SRGAP3: variants seen among roughly 807,000 people sequenced by gnomAD.
SRGAP3 encodes SLIT-ROBO Rho GTPase-activating protein 3.
In SRGAP3, 39 loss-of-function variants were observed where a neutral mutation model predicts 121.1. The observed-to-expected ratio is 0.32, with a 90% CI of 0.25 to 0.42. The LOEUF (loss-of-function observed/expected upper bound fraction) is 0.42. Among genes scored for constraint, SRGAP3 ranks in the 10% least tolerant of loss-of-function variants. The pLI is 1.00. For synonymous variants in SRGAP3, 601 were observed against 570.0 expected (o/e 1.05, Z -0.77); for missense variants, 1,213 against 1,470.6 (o/e 0.82, Z 2.86).
chr3:9,153,341 C>T (rs1950277185), intron 1 of SRGAP3, among the ~76,000 whole-genome samples: 1 of 152,134 alleles, frequency 6.6e-6, no homozygotes, highest in Non-Finnish European at 1.5e-5. Flanking sequence ...ATCATTTAAT[C>T]CTCACAGCAT....
chr3:8,994,399 G>A lies in SRGAP3; in HGVS notation c.2352C>T (p.Gly784=). ...YHRASEDWWE[G]RHNGVDGLIP... is the part of the protein sequence containing the mutation. ...TGAGTCCATCCACGCCGTTGTGCCG[G>A]CCCTCCCACCAGTCCTCCGAGGCGC... The change falls in exon 19 of 22, where the codon GGC becomes GGT. Residue 784 remains glycine (G), a synonymous_variant. Coordinates refer to ENST00000383836, the MANE Select transcript of SRGAP3 (RefSeq NM_014850.4). 1 of 1,614,178 alleles carries A rather than the reference G, an allele frequency of 6.2e-7. No individual in the cohort carries two copies. The highest frequency in any genetic ancestry group is 8.5e-7 in the Non-Finnish European group (1 of 1,180,040).
chr3:9,247,763 C>A (rs547019488), intron 1 of SRGAP3, among the ~76,000 whole-genome samples: 5 of 152,222 alleles, frequency 3.3e-5, no homozygotes, highest in Non-Finnish European at 7.3e-5. Flanking sequence ...CTAGGAGAGG[C>A]CACAACACAC....
chr3:9,257,697 C>CT (rs1491519262), intron 3 of SRGAP3, among the ~76,000 whole-genome samples: 2 of 81,190 alleles, frequency 2.5e-5, no homozygotes, highest in East Asian at 3.4e-4. Flanking sequence ...CAAAATAGCT[C>CT]CTTTTTTTTT....
chr3:9,059,930 C>A, intron 6 of SRGAP3: 1 of 411,766 alleles, frequency 2.4e-6, no homozygotes, highest in Non-Finnish European at 4.6e-6. Flanking sequence ...CCCTCAAACC[C>A]AGCAAAGGAC....
At chr3:9,064,943 C>T (rs866076272) in intron 4 of SRGAP3, among the ~76,000 whole-genome samples, 6 of 152,126 alleles carry the variant, frequency 3.9e-5, no homozygotes, top group East Asian at 3.9e-4. Flanking sequence ...GACTGTCAGA[C>T]GTGACAAGGC....
intron 1 of SRGAP3, among the ~76,000 whole-genome samples, chr3:9,238,729 G>A (rs1031584435): frequency 6.6e-6 from 1 of 152,196 alleles, no homozygotes; most frequent in Non-Finnish European, 1.5e-5. Flanking sequence ...GAGGCACCAG[G>A]GGAGAAGCAA....
At chr3:9,074,013 T>C (rs1204304803) in intron 4 of SRGAP3, among the ~76,000 whole-genome samples, 1 of 152,240 alleles carries the variant, frequency 6.6e-6, no homozygotes, top group East Asian at 1.9e-4. Context: ...GTCTTATTTT[T>C]TTAACCAAGT....
rs530198759 is a variant in SRGAP3, at chr3:9,001,199, G to A, written c.2228-6676C>T. On this transcript the variant is annotated intron_variant, in intron 18 of 21. Coordinates refer to ENST00000383836, the MANE Select transcript of SRGAP3 (RefSeq NM_014850.4). ...TAGGTTGACTATAGTTAACAATAAT[G>A]TATTGTATGTTCCAAAATAGCTGGA... Among the ~76,000 whole-genome samples the A allele has an allele frequency of 2.0e-5, 3 of 152,244 alleles. No homozygotes were observed. In the South Asian group the frequency reaches 6.2e-4, roughly 32 times the overall value.
chr3:9,233,136 G>C (rs1398448423), intron 1 of SRGAP3, among the ~76,000 whole-genome samples: 1 of 152,122 alleles, frequency 6.6e-6, no homozygotes, highest in Non-Finnish European at 1.5e-5. Context: ...GCACTGTGCT[G>C]GAAATTCTGA....
chr3:9,356,652 C>T (rs544507151), intron 1 of SRGAP3, among the ~76,000 whole-genome samples: 4 of 152,136 alleles, frequency 2.6e-5, no homozygotes, highest in African/African-American at 7.2e-5. Context: ...GGATTACAGG[C>T]GTGAGCCACC....
At chr3:9,096,458 A>G (rs1489858813) in intron 3 of SRGAP3, among the ~76,000 whole-genome samples, 4 of 152,202 alleles carry the variant, frequency 2.6e-5, no homozygotes, top group African/African-American at 9.6e-5. Flanking sequence ...ATCTTTAAGC[A>G]GCCATCTTGC....
chr3:9,196,681 A>G (rs1951928343), intron 1 of SRGAP3, among the ~76,000 whole-genome samples: 1 of 152,228 alleles, frequency 6.6e-6, no homozygotes, highest in Non-Finnish European at 1.5e-5. Flanking sequence ...CAATTTGTAC[A>G]GAATAGATGG....
rs749590935 is a variant in SRGAP3 at position 9,056,326 on chromosome 3, C to G, written c.1032G>C (p.Gln344His). ...TCTGGACGGGCTGCTGAGCGCTGACCTGGCAGACCTGCAGGAATAACAGCC... is the reference window on the plus strand; with the variant it reads ...TCTGGACGGGCTGCTGAGCGCTGACGTGGCAGACCTGCAGGAATAACAGCC... The part of the protein sequence containing the change: ...FQPHMGDEVC[Q>H]VSAQQPVQTE... Residue 344 changes from glutamine (Q) to histidine (H), a missense_variant, in exon 8 of 22, where the codon CAG becomes CAC. Gln to His is a conservative substitution (Grantham distance 24). Coordinates refer to ENST00000383836, the MANE Select transcript of SRGAP3 (RefSeq NM_014850.4). The G allele has an allele frequency of 6.2e-7, 1 of 1,612,884 alleles. No individual in the cohort carries two copies. The highest frequency in any genetic ancestry group is 1.1e-5 in the South Asian group (1 of 91,046).
At chr3:9,298,443 T>G (rs1020997961) in intron 3 of SRGAP3, among the ~76,000 whole-genome samples, 1 of 152,212 alleles carries the variant, frequency 6.6e-6, no homozygotes, top group African/African-American at 2.4e-5. Flanking sequence ...CCCTACATAA[T>G]GCTGCCAGAA....
chr3:9,258,915 CATA>C (rs1467431741), intron 3 of SRGAP3, among the ~76,000 whole-genome samples: 5 of 152,146 alleles, frequency 3.3e-5, no homozygotes, highest in Non-Finnish European at 7.3e-5. Context: ...TGAATCAGAT[CATA>C]ATAATTTCCC....
chr3:9,139,935 C>T (rs1447574904), intron 1 of SRGAP3, among the ~76,000 whole-genome samples: 2 of 152,094 alleles, frequency 1.3e-5, no homozygotes, highest in South Asian at 2.1e-4. Context: ...CATACACCAC[C>T]ACATCAAGCA....
chr3:9,019,280 C>T (rs961525641), intron 14 of SRGAP3, among the ~76,000 whole-genome samples: 13 of 152,190 alleles, frequency 8.5e-5, no homozygotes, highest in African/African-American at 3.1e-4. Context: ...CAGACATAGT[C>T]GAATTCTTCA....
intron 1 of SRGAP3, among the ~76,000 whole-genome samples, chr3:9,331,326 A>G (rs1251995093): frequency 6.6e-6 from 1 of 152,222 alleles, no homozygotes; most frequent in East Asian, 1.9e-4. Context: ...AGGCACTATT[A>G]TTATTCCTAC....
chr3:9,003,448 C>T (rs1942876665), intron 18 of SRGAP3, among the ~76,000 whole-genome samples: 1 of 151,554 alleles, frequency 6.6e-6, no homozygotes, highest in Non-Finnish European at 1.5e-5. Flanking sequence ...CACTGCACTA[C>T]AGCCTGGGTG....
Sources: gnomAD v4.1 joint callset for allele counts (sites outside exome capture counted in the v4.1 genomes callset) on GRCh38, gnomAD v4.1.1 for gene constraint, MANE v1.5 for transcripts, NCBI Gene and HGNC (gene_info 2026-07-23, HGNC 2026-07-21) for gene names.